Variants in CPNE4 observed in about 807,000 individuals in gnomAD.
CPNE4 encodes copine 4.
In CPNE4, 25 loss-of-function variants were observed where a neutral mutation model predicts 67.9. The observed-to-expected ratio is 0.37, with a 90% confidence interval of 0.27 to 0.51. The LOEUF (loss-of-function observed/expected upper bound fraction) is 0.51, where lower values mean the gene tolerates loss of function less well. Ranked by LOEUF, CPNE4 falls within the 20% of genes least tolerant of loss-of-function variation. CPNE4 has a pLI of 0.93. For synonymous variants in CPNE4, 242 were observed against 244.9 expected (o/e 0.99, Z 0.11); for missense variants, 464 against 690.8 (o/e 0.67, Z 3.68).
chr3:131,967,402 G>A (rs369539819), intron 1 of CPNE4, among the ~76,000 whole-genome samples: 11 of 152,264 alleles, frequency 7.2e-5, no homozygotes, highest in Non-Finnish European at 1.2e-4. Flanking sequence ...GAAATAAAGG[G>A]TATTTAAATA....
chr3:131,825,137 C>A (rs79305539), intron 2 of CPNE4, among the ~76,000 whole-genome samples: 1 of 151,936 alleles, frequency 6.6e-6, no homozygotes, highest in Non-Finnish European at 1.5e-5. Context: ...TAGTGAGAAA[C>A]GGGGTCCATA....
intron 7 of CPNE4, among the ~76,000 whole-genome samples, chr3:131,660,224 A>G (rs943798003): frequency 3.7e-4 from 57 of 152,202 alleles, no homozygotes; most frequent in Non-Finnish European, 1.5e-4. Context: ...TAGTAAGGAA[A>G]TCAGATCTAA....
At chr3:131,625,718 C>A (rs528115546) in intron 7 of CPNE4, among the ~76,000 whole-genome samples, 1 of 152,082 alleles carries the variant, frequency 6.6e-6, no homozygotes, top group Non-Finnish European at 1.5e-5. Context: ...TTATATATAT[C>A]TATAAAGGTT....
intron 7 of CPNE4, among the ~76,000 whole-genome samples, chr3:131,603,561 AT>A (rs1455995592): frequency 6.6e-6 from 1 of 152,178 alleles, no homozygotes; most frequent in South Asian, 2.1e-4. Context: ...TTTATTTAGA[AT>A]TTAGGTTAGG....
In CPNE4 at chr3:131,535,320, C is replaced by T; in HGVS notation, c.1549G>A (p.Ala517Thr). Residue 517 changes from alanine to threonine, a missense_variant, in exon 16 of 16, where the codon GCT becomes ACT. Around this residue, in one of 6 missense-constraint regions of CPNE4, gnomAD observed 201 missense variants for 357.7 expected, o/e 0.56. Coordinates refer to ENST00000429747, the MANE Select transcript of CPNE4 (RefSeq NM_130808.3). ...GCCAGCACGCTCTTTGCCAGGGCAG[C>T]TGGAGATGCCTGCAGGGAAGAAGAA... ...PFRNFKHASP[A>T]ALAKSVLAEV... is the part of the protein sequence containing the mutation. 6.2e-7 allele frequency: 1 copy of T among 1,612,928 alleles called. No homozygotes were observed. Among genetic ancestry groups the T allele is most frequent in the Non-Finnish European group, 8.5e-7 (1 of 1,179,700 alleles).
chr3:131,783,267 C>T (rs564564301), intron 2 of CPNE4, among the ~76,000 whole-genome samples: 1 of 152,216 alleles, frequency 6.6e-6, no homozygotes, highest in African/African-American at 2.4e-5. Flanking sequence ...CATATCTGAT[C>T]TTCTCAACCA....
chr3:131,739,963 C>G (rs951616399), intron 2 of CPNE4, among the ~76,000 whole-genome samples: 7 of 152,204 alleles, frequency 4.6e-5, no homozygotes, highest in Non-Finnish European at 8.8e-5. Context: ...AGCGACTTGC[C>G]CTAATTCTTT....
intron 2 of CPNE4, among the ~76,000 whole-genome samples, chr3:131,803,100 A>T (rs2084189972): frequency 6.6e-6 from 1 of 152,202 alleles, no homozygotes; most frequent in African/African-American, 2.4e-5. Context: ...AAAAAGACGA[A>T]GAAGAAATGC....
chr3:131,936,530 G>C (rs1458762293), intron 1 of CPNE4, among the ~76,000 whole-genome samples: 1 of 152,060 alleles, frequency 6.6e-6, no homozygotes, highest in East Asian at 1.9e-4. Flanking sequence ...TCACCTCAAA[G>C]AGAAATTTCC....
At chr3:131,965,431 A>C (rs1351736024) in intron 1 of CPNE4, among the ~76,000 whole-genome samples, 1 of 152,246 alleles carries the variant, frequency 6.6e-6, no homozygotes, top group Non-Finnish European at 1.5e-5. Context: ...CAGAGTGGAA[A>C]ATTGGATAAA....
intron 13 of CPNE4, 127 bp from the exon 14 acceptor site, chr3:131,550,207 A>T (rs1936095044): frequency 2.1e-6 from 2 of 940,308 alleles, no homozygotes; most frequent in Non-Finnish European, 1.5e-6. Flanking sequence ...TTATGTTCTT[A>T]AGATAAAAAG....
chr3:131,743,367 A>G (rs2082401233), intron 2 of CPNE4, among the ~76,000 whole-genome samples: 1 of 152,160 alleles, frequency 6.6e-6, no homozygotes. Context: ...TTATAATGTA[A>G]CTTCAGCTGC....
chr3:131,993,235 C>T (rs75480070), intron 1 of CPNE4, among the ~76,000 whole-genome samples: 6,779 of 134,786 alleles, frequency 0.05, 1,717 homozygotes, highest in Admixed American at 0.082. Flanking sequence ...GTGGCACTAA[C>T]GTTCAAAAGG....
intron 2 of CPNE4, among the ~76,000 whole-genome samples, chr3:131,887,428 A>G (rs899872467): frequency 6.6e-5 from 10 of 152,210 alleles, no homozygotes; most frequent in African/African-American, 1.9e-4. Context: ...AGACTAATAC[A>G]GAAATATTAT....
chr3:131,912,601 G>C (rs763566801), intron 1 of CPNE4, among the ~76,000 whole-genome samples: 8 of 152,054 alleles, frequency 5.3e-5, no homozygotes, highest in Non-Finnish European at 1.2e-4. Context: ...AGATTAACAA[G>C]GTGTTATTCC....
intron 2 of CPNE4, among the ~76,000 whole-genome samples, chr3:131,810,056 A>T (rs928019445): frequency 6.6e-6 from 1 of 152,086 alleles, no homozygotes; most frequent in Non-Finnish European, 1.5e-5. Context: ...TCATAAACAT[A>T]TAATGATATT....
intron 14 of CPNE4, among the ~76,000 whole-genome samples, chr3:131,547,042 C>T (rs536989369): frequency 5.2e-4 from 79 of 152,262 alleles, no homozygotes; most frequent in Non-Finnish European, 8.8e-4. Flanking sequence ...ATTCCTAAAT[C>T]TTGCATCTAT....
chr3:131,555,960 T>C (rs1180880261), intron 11 of CPNE4, among the ~76,000 whole-genome samples: 1 of 152,088 alleles, frequency 6.6e-6, no homozygotes, highest in Admixed American at 6.6e-5. Flanking sequence ...CAAGGAGAGA[T>C]AGTTATTCCC....
At chr3:131,979,186 T>C (rs763685974) in intron 1 of CPNE4, among the ~76,000 whole-genome samples, 1 of 152,184 alleles carries the variant, frequency 6.6e-6, no homozygotes, top group Non-Finnish European at 1.5e-5. Flanking sequence ...TGAAATGTTC[T>C]GTATATGTCT....
Sources: allele counts gnomAD v4.1 joint callset (sites outside exome capture counted in the v4.1 genomes callset), GRCh38; gene constraint gnomAD v4.1.1; regional missense constraint gnomAD v4.1.1; transcripts MANE v1.5; gene names NCBI Gene and HGNC (gene_info 2026-07-23, HGNC 2026-07-21).